Variants in COL5A2 observed in about 807,000 individuals in gnomAD.
COL5A2 encodes collagen alpha-2(V) chain.
In COL5A2, 23 loss-of-function variants were observed where a neutral mutation model predicts 208.2. The ratio of observed to expected loss-of-function variants is 0.11; its 90% CI spans 0.08 to 0.16. The LOEUF is 0.16. Among genes scored for constraint, COL5A2 ranks in the 10% least tolerant of loss-of-function variants. COL5A2 has a pLI of 1.00. For synonymous variants in COL5A2, 625 were observed against 628.5 expected, an observed-to-expected ratio of 0.99 and a Z score of 0.08; for missense variants, 1,590 against 1,956.4, an observed-to-expected ratio of 0.81 and a Z score of 3.53.
At chr2:189,096,634 A>AAAG (rs1442730165) in intron 6 of COL5A2, among the ~76,000 whole-genome samples, 4 of 151,594 alleles carry the variant, frequency 2.6e-5, no homozygotes, top group Non-Finnish European at 4.4e-5. Flanking sequence ...AAAAAAAAAA[A>AAAG]AAAAGAAAAA....
chr2:189,169,252 G>A (rs969656932), intron 1 of COL5A2, among the ~76,000 whole-genome samples: 4 of 152,182 alleles, frequency 2.6e-5, no homozygotes, highest in African/African-American at 9.7e-5. Flanking sequence ...TGGTAGACAG[G>A]CATGAGGTGG....
At chr2:189,243,604 G>A in the COL5A2 span, among the ~76,000 whole-genome samples, 1 of 152,128 alleles carries the variant, frequency 6.6e-6, no homozygotes, top group Non-Finnish European at 1.5e-5. Context: ...GATGAGATTT[G>A]GGTGGGGACA....
At chr2:189,207,896 G>A (rs549414809) in intron 1 of COL5A2, among the ~76,000 whole-genome samples, 86 of 151,980 alleles carry the variant, frequency 5.7e-4, no homozygotes, top group South Asian at 2.3e-3. Context: ...GTTTCTGATC[G>A]CTACTCTTGC....
At chr2:189,255,396 T>C in the COL5A2 span, among the ~76,000 whole-genome samples, 5 of 152,198 alleles carry the variant, frequency 3.3e-5, no homozygotes, top group Non-Finnish European at 7.4e-5. Flanking sequence ...TCTGCTTTTC[T>C]CCATCCAAAT....
chr2:189,033,885 G>T lies in COL5A2; in HGVS notation c.*185C>A, dbSNP rs754378118. On this transcript the variant is annotated 3_prime_UTR_variant, in exon 54 of 54. Coordinates refer to ENST00000374866, the MANE Select transcript of COL5A2 (RefSeq NM_000393.5). ...TATTTAAAATCAATTAAAACTTGAG[G>T]ATTGTAAGTAAAATAAATATTCTGA... The T allele has an allele frequency of 2.7e-4, 192 of 720,336 alleles. No individual in the cohort carries two copies. The highest frequency in any genetic ancestry group is 4.0e-4 in the Non-Finnish European group (171 of 431,406). 44.6% of individuals were successfully genotyped at this position (720,336 alleles called of 1,614,324 possible).
chr2:189,402,776 T>C, the COL5A2 span, among the ~76,000 whole-genome samples: 2 of 142,028 alleles, frequency 1.4e-5, no homozygotes, highest in Non-Finnish European at 3.1e-5. Flanking sequence ...AGCAGTACCA[T>C]GCTCTTTTGG....
the COL5A2 span, among the ~76,000 whole-genome samples, chr2:189,313,491 C>T: frequency 6.6e-6 from 1 of 152,182 alleles, no homozygotes. Flanking sequence ...CAAAAACACA[C>T]TGAAGTACAC....
intron 1 of COL5A2, among the ~76,000 whole-genome samples, chr2:189,224,754 T>C (rs530814256): frequency 3.5e-4 from 53 of 152,046 alleles, no homozygotes; most frequent in Non-Finnish European, 6.5e-4. Flanking sequence ...ATAGCAATTC[T>C]AAGCATGACA....
chr2:189,137,513 G>A (rs1687848619), intron 1 of COL5A2, among the ~76,000 whole-genome samples: 1 of 152,194 alleles, frequency 6.6e-6, no homozygotes, highest in South Asian at 2.1e-4. Context: ...TTTTGATGTA[G>A]TCACACATTG....
In COL5A2 at chr2:189,156,453, T is replaced by A. The variant is rs916141697; in HGVS notation, c.97+23055A>T. Among the ~76,000 whole-genome samples, 5 of 152,216 alleles carry A rather than the reference T, an allele frequency of 3.3e-5. No homozygotes were observed. The South Asian group carries it at 1.0e-3, about 31-fold the overall frequency. ...AACTCATATATAAAATCATTCTTTT[T>A]AATATATTACTTTTTCACAAGGCTT... On this transcript the variant is annotated intron_variant, in intron 1 of 53. Transcript: ENST00000374866.
At chr2:189,105,350 A>C (rs1446188394) in intron 2 of COL5A2, among the ~76,000 whole-genome samples, 1 of 151,632 alleles carries the variant, frequency 6.6e-6, no homozygotes, top group Non-Finnish European at 1.5e-5. Context: ...CCCCACAGGC[A>C]ATATGCAGTG....
intron 15 of COL5A2, 26 bp downstream of exon 15, chr2:189,079,037 T>C (rs367762977): frequency 6.3e-7 from 1 of 1,594,186 alleles, no homozygotes; most frequent in South Asian, 1.1e-5. Context: ...CTTAGAAATT[T>C]AAGAAACAAG....
At chr2:189,131,087 G>A (rs190476443) in intron 1 of COL5A2, among the ~76,000 whole-genome samples, 69 of 152,102 alleles carry the variant, frequency 4.5e-4, no homozygotes, top group East Asian at 3.1e-3. Flanking sequence ...AGAGGAGAGC[G>A]GGGACTGAGC....
chr2:189,191,332 G>T (rs753108243), intron 1 of COL5A2, among the ~76,000 whole-genome samples: 8 of 152,050 alleles, frequency 5.3e-5, no homozygotes, highest in Non-Finnish European at 1.0e-4. Flanking sequence ...AAAATGCCAG[G>T]AAATATTTTA....
chr2:189,152,349 G>C (rs1688161536), intron 1 of COL5A2, among the ~76,000 whole-genome samples: 1 of 152,172 alleles, frequency 6.6e-6, no homozygotes, highest in Non-Finnish European at 1.5e-5. Context: ...TGATACCAAA[G>C]AGTTCTAAAT....
At chr2:189,382,733 T>A in the COL5A2 span, among the ~76,000 whole-genome samples, 3 of 152,134 alleles carry the variant, frequency 2.0e-5, no homozygotes, top group Non-Finnish European at 2.9e-5. Flanking sequence ...CTTATAGGTT[T>A]GGGATAGGTG....
the COL5A2 span, among the ~76,000 whole-genome samples, chr2:189,424,472 T>C: frequency 6.6e-6 from 1 of 152,302 alleles, no homozygotes; most frequent in South Asian, 2.1e-4. Flanking sequence ...AATAAACAAA[T>C]TCAGTAAAGA....
the COL5A2 span, among the ~76,000 whole-genome samples, chr2:189,295,177 T>A: frequency 6.6e-6 from 1 of 152,208 alleles, no homozygotes; most frequent in Non-Finnish European, 1.5e-5. Context: ...AGAGGGCATG[T>A]TTGAAAGCAT....
At chr2:189,434,799 T>C in the COL5A2 span, among the ~76,000 whole-genome samples, 1 of 152,030 alleles carries the variant, frequency 6.6e-6, no homozygotes, top group Admixed American at 6.6e-5. Context: ...CTACCAATGA[T>C]TTTCTTCACA....
Sources: allele counts gnomAD v4.1 joint callset (sites outside exome capture counted in the v4.1 genomes callset), GRCh38; gene constraint gnomAD v4.1.1; transcripts MANE v1.5; gene names NCBI Gene and HGNC (gene_info 2026-07-23, HGNC 2026-07-21).